Variants in ABLIM1 observed in about 807,000 individuals in gnomAD.
ABLIM1 encodes the protein actin-binding LIM protein 1.
Under a neutral mutation model 107.0 loss-of-function variants are expected in ABLIM1, and 40 were observed. That is an observed-to-expected ratio of 0.37 (90% CI 0.29 to 0.49). The LOEUF is 0.49. Among genes scored for constraint, ABLIM1 ranks in the 20% least tolerant of loss-of-function variants. ABLIM1 has a pLI of 0.97. For synonymous variants in ABLIM1, 357 were observed against 357.3 expected (o/e 1.00, Z 0.01); for missense variants, 857 against 1,008.5 (o/e 0.85, Z 2.04).
chr10:114,485,581 A>G (rs2058074304), intron 8 of ABLIM1, among the ~76,000 whole-genome samples: 1 of 152,232 alleles, frequency 6.6e-6, no homozygotes, highest in African/African-American at 2.4e-5. Context: ...TCTTCAAGTT[A>G]CAGTAAATTT....
At chr10:114,476,683 G>C (rs1260856105) in intron 8 of ABLIM1, among the ~76,000 whole-genome samples, 1 of 109,180 alleles carries the variant, frequency 9.2e-6, no homozygotes, top group Non-Finnish European at 2.0e-5. Context: ...TAATAATAAA[G>C]TGCAATTTCT....
intron 1 of ABLIM1, among the ~76,000 whole-genome samples, chr10:114,742,633 A>G (rs1264906242): frequency 6.6e-6 from 1 of 152,164 alleles, no homozygotes; most frequent in Non-Finnish European, 1.5e-5. Context: ...TGGAGTAATA[A>G]TATTATCTAC....
At chr10:114,541,426 C>T (rs2066642882) in intron 6 of ABLIM1, among the ~76,000 whole-genome samples, 1 of 152,044 alleles carries the variant, frequency 6.6e-6, no homozygotes, top group African/African-American at 2.4e-5. Context: ...ACAGTATTTA[C>T]AACAAATCCA....
chr10:114,668,015 T>C (rs1267441786), intron 1 of ABLIM1, among the ~76,000 whole-genome samples: 1 of 151,462 alleles, frequency 6.6e-6, no homozygotes, highest in East Asian at 1.9e-4. Flanking sequence ...CACCATGTCA[T>C]TGACTGGGAG....
chr10:114,514,579 A>G (rs1025402668), intron 6 of ABLIM1, among the ~76,000 whole-genome samples: 6 of 152,226 alleles, frequency 3.9e-5, no homozygotes, highest in South Asian at 2.1e-4. Flanking sequence ...GGGTCTCCCT[A>G]TGTTTCCCAG....
At chr10:114,598,009 C>T (rs1018476768) in intron 2 of ABLIM1, among the ~76,000 whole-genome samples, 9 of 152,122 alleles carry the variant, frequency 5.9e-5, no homozygotes, top group African/African-American at 1.7e-4. Context: ...CAGTGGCTCA[C>T]GCCTGTAATC....
rs142594853 is a variant in ABLIM1, at chr10:114,601,523, C to T, written c.379+304G>A. Among the ~76,000 whole-genome samples, 9 of 152,282 alleles carry T rather than the reference C, an allele frequency of 5.9e-5. No homozygotes were observed. The East Asian group carries it at 1.7e-3, about 29-fold the overall frequency. On this transcript the variant is annotated intron_variant, in intron 2 of 22. Coordinates refer to ENST00000533213, the MANE Select transcript of ABLIM1 (RefSeq NM_002313.7). ...TCAGGCGATCCACCCGCCTCAGCCT[C>T]CCAAAGTGCTGGGATTATAGGCGTG...
intron 11 of ABLIM1, among the ~76,000 whole-genome samples, chr10:114,467,218 T>C (rs1466677419): frequency 2.0e-5 from 3 of 152,140 alleles, no homozygotes; most frequent in African/African-American, 7.2e-5. Flanking sequence ...CACTAAAATG[T>C]CACCTATCTC....
At chr10:114,493,451 G>A (rs996915050) in intron 6 of ABLIM1, among the ~76,000 whole-genome samples, 19 of 152,168 alleles carry the variant, frequency 1.2e-4, no homozygotes, top group African/African-American at 2.2e-4. Context: ...GTGGTGAAAC[G>A]TTCGAGGCAT....
chr10:114,693,328 AC>A (rs1450392921), intron 1 of ABLIM1, among the ~76,000 whole-genome samples: 1 of 152,068 alleles, frequency 6.6e-6, no homozygotes, highest in African/African-American at 2.4e-5. Flanking sequence ...AAAATCCCCA[AC>A]CTACCCAATC....
chr10:114,436,282 T>C lies in ABLIM1; in HGVS notation c.2315A>G (p.Lys772Arg). 1 of 1,614,026 alleles carries C rather than the reference T, an allele frequency of 6.2e-7. No homozygotes were observed. Among genetic ancestry groups the C allele is most frequent in the South Asian group, 1.1e-5 (1 of 91,066 alleles). Residue 772 changes from lysine to arginine, a missense_variant, in exon 23 of 23, where the codon AAG becomes AGG. By Grantham distance (26) the Lys-to-Arg change is conservative. This residue lies in a region of ABLIM1 where 193 missense variants were observed against 208.5 expected (regional missense o/e 0.93). Transcript: ENST00000533213. ...GACTTAGAAGAGTTTTGCTTTTTTCTTCATGTCGTTGCGTCTCCAAAGAGG... is the reference window on the plus strand; with the variant it reads ...GACTTAGAAGAGTTTTGCTTTTTTCCTCATGTCGTTGCGTCTCCAAAGAGG... Reference protein sequence around the residue: ...RLPLWRRNDMKKKAKLF With the variant: ...RLPLWRRNDMRKKAKLF
intron 4 of ABLIM1, among the ~76,000 whole-genome samples, chr10:114,557,837 CA>C (rs11340316): frequency 0.56 from 76,900 of 136,148 alleles, 22,152 homozygotes; most frequent in African/African-American, 0.72. Context: ...TTATGACTCT[CA>C]AAAAAAAAAA....
rs2059860436 is a variant in ABLIM1, at chr10:114,439,256, A to G, written c.2068-6T>C. ...ATGTGGCCATCTGGGAGTGTCTGCA[A>G]CAGAAATGCCAGTTCCAGGTGAGGC... is the stretch of plus-strand genomic sequence containing the variant. On this transcript the variant is annotated splice_polypyrimidine_tract_variant and splice_region_variant and intron_variant, in intron 20 of 22. Transcript: ENST00000533213. 1 of 1,614,098 alleles carries G rather than the reference A, an allele frequency of 6.2e-7. No individual in the cohort carries two copies. The highest frequency in any genetic ancestry group is 8.5e-7 in the Non-Finnish European group (1 of 1,180,028).
At chr10:114,680,423 C>T (rs541622828) in intron 1 of ABLIM1, among the ~76,000 whole-genome samples, 1 of 152,230 alleles carries the variant, frequency 6.6e-6, no homozygotes, top group Non-Finnish European at 1.5e-5. Flanking sequence ...AAGGAGCATG[C>T]TTTCCTTCTA....
At chr10:114,517,277 A>G (rs1423124674) in intron 6 of ABLIM1, among the ~76,000 whole-genome samples, 1 of 152,194 alleles carries the variant, frequency 6.6e-6, no homozygotes, top group Non-Finnish European at 1.5e-5. Context: ...AATACAGGAC[A>G]GGACGGGACC....
chr10:114,600,890 A>C (rs555451403), intron 2 of ABLIM1, among the ~76,000 whole-genome samples: 1 of 152,320 alleles, frequency 6.6e-6, no homozygotes, highest in South Asian at 2.1e-4. Flanking sequence ...GCTCTGAAAT[A>C]ACAGGTTGGC....
the ABLIM1 span, among the ~76,000 whole-genome samples, chr10:114,784,969 A>T: frequency 6.6e-6 from 1 of 152,208 alleles, no homozygotes. Flanking sequence ...AGACTAATTT[A>T]CTTTCATATT....
chr10:114,492,649 C>T (rs11196764), intron 6 of ABLIM1, among the ~76,000 whole-genome samples: 22,048 of 152,218 alleles, frequency 0.14, 2,300 homozygotes, highest in East Asian at 0.51. Context: ...CAAATCCTTT[C>T]GTTCACAGCC....
At chr10:114,612,725 A>G (rs2076892794) in intron 1 of ABLIM1, among the ~76,000 whole-genome samples, 1 of 152,240 alleles carries the variant, frequency 6.6e-6, no homozygotes, top group African/African-American at 2.4e-5. Flanking sequence ...TGCCGGCAGA[A>G]CATCACATCT....
Sources: gnomAD v4.1 joint callset for allele counts (sites outside exome capture counted in the v4.1 genomes callset) on GRCh38, gnomAD v4.1.1 for gene constraint, gnomAD v4.1.1 regional missense constraint, MANE v1.5 for transcripts, NCBI Gene and HGNC (gene_info 2026-07-23, HGNC 2026-07-21) for gene names.